DEPDC5: variants seen among roughly 807,000 people sequenced by gnomAD.
DEPDC5 encodes the protein GATOR1 complex protein DEPDC5.
In DEPDC5, 73 loss-of-function variants were observed where a neutral mutation model predicts 217.3. The observed-to-expected ratio is 0.34, with a 90% confidence interval of 0.28 to 0.41. The LOEUF (loss-of-function observed/expected upper bound fraction) is 0.41, where lower values mean the gene tolerates loss of function less well. DEPDC5 is among the 10% of genes least tolerant of loss of function. The pLI is 1.00. For missense variants in DEPDC5, 1,675 were observed against 2,070.1 expected, an observed-to-expected ratio of 0.81 and a Z score of 3.70; for synonymous variants, 733 against 756.7, an observed-to-expected ratio of 0.97 and a Z score of 0.51.
At chr22:31,857,216 G>A (rs567188635) in intron 31 of DEPDC5, among the ~76,000 whole-genome samples, 23 of 152,202 alleles carry the variant, frequency 1.5e-4, no homozygotes, top group Non-Finnish European at 2.6e-4. Flanking sequence ...ACCAGATGCT[G>A]CCAGAATGCT....
intron 7 of DEPDC5, among the ~76,000 whole-genome samples, chr22:31,771,447 C>G (rs965751531): frequency 2.0e-5 from 3 of 151,962 alleles, no homozygotes; most frequent in Non-Finnish European, 4.4e-5. Context: ...TAAAAAATTG[C>G]TGGTTGGCTC....
At chr22:31,807,563 C>G (rs2087705470) in intron 18 of DEPDC5, among the ~76,000 whole-genome samples, 1 of 152,098 alleles carries the variant, frequency 6.6e-6, no homozygotes, top group Non-Finnish European at 1.5e-5. Context: ...TCCTGAGTAG[C>G]TGGGATTACA....
chr22:31,893,871 G>A, intron 39 of DEPDC5, 120 bp downstream of exon 39: 1 of 1,142,848 alleles, frequency 8.8e-7, no homozygotes, highest in South Asian at 2.1e-5. Flanking sequence ...CCATTCATCG[G>A]GACTATTGGA....
At chr22:31,776,318 C>T (rs552540064) in intron 7 of DEPDC5, among the ~76,000 whole-genome samples, 340 of 152,058 alleles carry the variant, frequency 2.2e-3, no homozygotes, top group African/African-American at 8.0e-3. Flanking sequence ...CACTATGCTA[C>T]CTAGGCTGGT....
Position 31,838,855 on chromosome 22 carries a change from T to TC in DEPDC5, c.2515+11dup, listed in dbSNP as rs750510999. ...CCACTCTATAGCCGAGGTGAGTTTT[T>TC]CTCCTTGGATTTCTATTTTTTTCTC... On this transcript the variant is annotated intron_variant, in intron 27 of 42. Coordinates refer to ENST00000651528, the MANE Select transcript of DEPDC5 (RefSeq NM_001242896.3). 5.6e-6 allele frequency: 9 copies of TC among 1,607,350 alleles called. No individual in the cohort carries two copies. The highest frequency in any genetic ancestry group is 6.0e-6 in the Non-Finnish European group (7 of 1,175,372).
At chr22:31,802,989 G>A in intron 15 of DEPDC5, 151 bp downstream of exon 15, 1 of 1,104,072 alleles carries the variant, frequency 9.1e-7, no homozygotes, top group Non-Finnish European at 1.2e-6. Flanking sequence ...GGTGTCAGGT[G>A]CTAAAATTTC....
At position 31,879,624 on chromosome 22, in the gene DEPDC5, A is replaced by T. The variant is rs1237371955; in HGVS notation, c.3905A>T (p.Glu1302Val). The change falls in exon 38 of 43, where the codon GAG becomes GTG. Residue 1302 changes from glutamate (E) to valine (V), a missense_variant. Physicochemically the swap from Glu to Val is moderately radical, Grantham distance 121 (BLOSUM62 -2). Transcript: ENST00000651528. ...KWFEVAFVAEELVHSEIPAFL... is the reference protein window; with the variant it reads ...KWFEVAFVAEVLVHSEIPAFL... ...TTTGAGGTGGCCTTTGTGGCAGAAGAGCTCGTGCACTCTGAGATTCCTGCC... is the reference window on the plus strand; with the variant it reads ...TTTGAGGTGGCCTTTGTGGCAGAAGTGCTCGTGCACTCTGAGATTCCTGCC... 6.2e-7 allele frequency: 1 copy of T among 1,614,004 alleles called. No homozygotes were observed.
chr22:31,814,901 T>C (rs2148757263), intron 20 of DEPDC5, 91 bp from the exon 21 acceptor site: 1 of 1,420,134 alleles, frequency 7.0e-7, no homozygotes, highest in Non-Finnish European at 9.8e-7. Context: ...TTGGGTTCCA[T>C]GTGGCTTGGG....
chr22:31,847,030 C>T, intron 31 of DEPDC5, 63 bp downstream of exon 31: 1 of 1,604,638 alleles, frequency 6.2e-7, no homozygotes, highest in Non-Finnish European at 8.5e-7. Flanking sequence ...TTTCAGTGCC[C>T]TGTTCCCTTG....
In DEPDC5 at chr22:31,814,915, G is replaced by T. The variant is rs555780664; in HGVS notation, c.1446-77G>T. ...ATTGGGTTCCATGTGGCTTGGGCTG[G>T]TGATGGGTTTTAGTTTTAACTCAAG... On this transcript the variant is annotated intron_variant, in intron 20 of 42. Coordinates refer to ENST00000651528, the MANE Select transcript of DEPDC5 (RefSeq NM_001242896.3). 611 of 1,534,264 alleles carry T rather than the reference G, an allele frequency of 4.0e-4. 9 individuals carry two copies. In the South Asian group the frequency reaches 6.4e-3, roughly 16 times the overall value.
chr22:31,879,632 C>T lies in DEPDC5; in HGVS notation c.3913C>T (p.His1305Tyr), dbSNP rs2149295226. 1 of 1,614,116 alleles carries T rather than the reference C, an allele frequency of 6.2e-7. No homozygotes were observed. Among genetic ancestry groups the T allele is most frequent in the South Asian group, 1.1e-5 (1 of 91,088 alleles). ...EVAFVAEELV[H>Y]SEIPAFLLPW... The stretch of plus-strand genomic sequence containing the variant: ...GGCCTTTGTGGCAGAAGAGCTCGTG[C>T]ACTCTGAGATTCCTGCCTTTCTCCT... The change falls in exon 38 of 43, where the codon CAC becomes TAC. Residue 1305 changes from histidine (H) to tyrosine (Y), a missense_variant. This residue lies in a region of DEPDC5 where 194 missense variants were observed against 199.3 expected (regional missense o/e 0.97). Coordinates refer to ENST00000651528, the MANE Select transcript of DEPDC5 (RefSeq NM_001242896.3).
intron 38 of DEPDC5, among the ~76,000 whole-genome samples, chr22:31,887,752 T>C (rs1252616412): frequency 1.3e-5 from 2 of 152,220 alleles, no homozygotes; most frequent in African/African-American, 4.8e-5. Flanking sequence ...CAGCTAATTC[T>C]ATCCAATAAC....
chr22:31,809,629 A>C lies in DEPDC5; in HGVS notation c.1306A>C (p.Lys436Gln), dbSNP rs1449287646. Reference sequence around the variant, plus strand: ...TTTTCAGCCCGCCTCTGAGAAAGCAAAAAATGGCCGTGATACATGTGAGTA... The same window carrying C: ...TTTTCAGCCCGCCTCTGAGAAAGCACAAAATGGCCGTGATACATGTGAGTA... ...AGKKPASEKA[K>Q]NGRDTSLGSP... Residue 436 changes from lysine to glutamine, a missense_variant, in exon 19 of 43, where the codon AAA (lysine) becomes CAA (glutamine). Lys to Gln is a moderately conservative substitution (Grantham distance 53). Transcript: ENST00000651528. The C allele has an allele frequency of 1.2e-6, 2 of 1,614,108 alleles. No individual in the cohort carries two copies. Among genetic ancestry groups the C allele is most frequent in the Non-Finnish European group, 1.7e-6 (2 of 1,179,970 alleles).
chr22:31,766,797 G>A (rs2148130948), intron 6 of DEPDC5, 129 bp downstream of exon 6: 4 of 746,068 alleles, frequency 5.4e-6, no homozygotes, highest in South Asian at 1.8e-5. Context: ...TATTGTCAAC[G>A]TCTTCTGTGT....
chr22:31,817,239 A>T (rs1243758277), intron 21 of DEPDC5: 1 of 172,466 alleles, frequency 5.8e-6, no homozygotes, highest in African/African-American at 2.4e-5. Flanking sequence ...CCTCCCGAGT[A>T]GCTGTGATCA....
chr22:31,822,571 A>T, intron 23 of DEPDC5, 122 bp from the exon 24 acceptor site: 1 of 865,984 alleles, frequency 1.2e-6, no homozygotes, highest in Non-Finnish European at 1.8e-6. Context: ...TGCCAGCTTG[A>T]GTTGGCTGAA....
intron 2 of DEPDC5, chr22:31,755,348 G>T: frequency 3.3e-6 from 1 of 299,844 alleles, no homozygotes; most frequent in Non-Finnish European, 6.4e-6. Flanking sequence ...TGGCATAGAT[G>T]TGCATAGAGC....
chr22:31,802,581 A>G, intron 14 of DEPDC5, 123 bp from the exon 15 acceptor site: 1 of 1,132,322 alleles, frequency 8.8e-7, no homozygotes, highest in Non-Finnish European at 1.2e-6. Context: ...ATTTAACTAG[A>G]ATGTGGCAGT....
rs145582060 is a variant in DEPDC5 at position 31,899,772 on chromosome 22, G to A, written c.4376-1970G>A. On this transcript the variant is annotated intron_variant, in intron 40 of 42. Transcript: ENST00000651528. ...ATGTGGAAAGATTAGCAAAACCACC[G>A]CAGGCACTCTTGTCTTTGGGATGGC... is the stretch of plus-strand genomic sequence containing the variant. 3.9e-4 allele frequency among the ~76,000 whole-genome samples: 59 copies of A among 152,212 alleles called. No homozygotes were observed. In the East Asian group the frequency reaches 5.2e-3, roughly 13 times the overall value.
Sources: allele counts gnomAD v4.1 joint callset (sites outside exome capture counted in the v4.1 genomes callset), GRCh38; gene constraint gnomAD v4.1.1; regional missense constraint gnomAD v4.1.1; transcripts MANE v1.5; gene names NCBI Gene and HGNC (gene_info 2026-07-23, HGNC 2026-07-21).